The following ZYG11A variants were observed in gnomAD, a reference collection of about 807,000 sequenced individuals.
ZYG11A encodes protein zyg-11 homolog A.
ZYG11A carries 62 observed loss-of-function variants against 77.2 expected under a neutral mutation model. The ratio of observed to expected loss-of-function variants is 0.80; its 90% CI spans 0.65 to 0.99. The LOEUF is 0.99. Among genes scored for constraint, ZYG11A ranks in the 50% least tolerant of loss-of-function variants. The pLI, the probability that ZYG11A is intolerant of heterozygous loss-of-function variation, is 0.00. For missense variants in ZYG11A, 828 were observed against 896.8 expected (o/e 0.92, Z 0.98); for synonymous variants, 315 against 324.6 (o/e 0.97, Z 0.32).
intron 1 of ZYG11A, among the ~76,000 whole-genome samples, chr1:52,852,333 C>G (rs1645729036): frequency 6.6e-6 from 1 of 151,414 alleles, no homozygotes; most frequent in South Asian, 2.1e-4. Context: ...AGGAGTGAGC[C>G]TCTGCACCTG....
At chr1:52,855,150 C>T (rs1258728581) in intron 2 of ZYG11A, among the ~76,000 whole-genome samples, 4 of 151,984 alleles carry the variant, frequency 2.6e-5, no homozygotes, top group Non-Finnish European at 5.9e-5. Context: ...ACATGAGCCA[C>T]TGTGCCCGGC....
intron 5 of ZYG11A, 67 bp from the exon 6 acceptor site, chr1:52,866,436 C>T: frequency 3.3e-6 from 3 of 905,244 alleles, no homozygotes; most frequent in Middle Eastern, 2.2e-4. Flanking sequence ...CTTCCAAATA[C>T]ATGGAATCTT....
intron 8 of ZYG11A, among the ~76,000 whole-genome samples, chr1:52,871,599 C>A (rs539137704): frequency 6.6e-6 from 1 of 151,908 alleles, no homozygotes; most frequent in Non-Finnish European, 1.5e-5. Context: ...CGGGTTCAAG[C>A]GTTTCTCCTG....
At chr1:52,872,797 C>G (rs1181702938) in intron 8 of ZYG11A, among the ~76,000 whole-genome samples, 1 of 145,816 alleles carries the variant, frequency 6.9e-6, no homozygotes, top group Non-Finnish European at 1.5e-5. Flanking sequence ...GTGGGAGGAT[C>G]GCTTGAACCT....
chr1:52,843,007 T>C (rs1219721348), intron 1 of ZYG11A, 34 bp downstream of exon 1: 15 of 1,484,928 alleles, frequency 1.0e-5, no homozygotes, highest in Non-Finnish European at 1.2e-5. Flanking sequence ...GACGCGGACC[T>C]CGGCGCCACG....
intron 11 of ZYG11A, among the ~76,000 whole-genome samples, chr1:52,882,960 G>T (rs1646385173): frequency 6.9e-6 from 1 of 145,776 alleles, no homozygotes; most frequent in African/African-American, 2.8e-5. Flanking sequence ...TTTTTTTCTG[G>T]GATGTTGGCC....
chr1:52,887,785 T>C (rs2150023079), intron 13 of ZYG11A, among the ~76,000 whole-genome samples: 1 of 152,172 alleles, frequency 6.6e-6, no homozygotes, highest in Non-Finnish European at 1.5e-5. Flanking sequence ...AAAGTGGAAG[T>C]ATCCCTTAAG....
intron 8 of ZYG11A, among the ~76,000 whole-genome samples, chr1:52,875,878 G>T (rs565949960): frequency 1.6e-4 from 24 of 151,100 alleles, no homozygotes; most frequent in African/African-American, 4.6e-4. Flanking sequence ...CAAATGAGGG[G>T]AGTGACAAGA....
In ZYG11A at chr1:52,881,592, T is replaced by A. The variant is rs545793493; in HGVS notation, c.1871T>A (p.Ile624Lys). The change falls in exon 11 of 14, where the codon ATA becomes AAA. Residue 624 changes from isoleucine to lysine, a missense_variant. Ile to Lys is a moderately radical substitution (Grantham distance 102). Coordinates refer to ENST00000371528, the MANE Select transcript of ZYG11A (RefSeq NM_001004339.3). ...MEVSYFAAGI[I>K]AHLTSDRQLW... ...GTCAGCTATTTTGCTGCAGGTATCA[T>A]AGCCCACCTGACATCTGACAGACAG... 3 of 1,552,240 alleles carry A rather than the reference T, an allele frequency of 1.9e-6. No individual in the cohort carries two copies. In the African/African-American group the frequency reaches 4.1e-5, roughly 21 times the overall value.
At position 52,857,697 on chromosome 1, in the gene ZYG11A, T is replaced by C. The variant is rs1172384533; in HGVS notation, c.956T>C (p.Leu319Ser). ...LRPAMQFVGL[L>S]ATDAGSSDFF... ...CCTGCCATGCAATTTGTGGGACTAT[T>C]GGCCACGGATGCTGGCTCTTCTGAC... Residue 319 changes from leucine to serine, a missense_variant, in exon 3 of 14, where the codon TTG becomes TCG. Leu to Ser is a moderately radical substitution (Grantham distance 145). Coordinates refer to ENST00000371528, the MANE Select transcript of ZYG11A (RefSeq NM_001004339.3). The C allele has an allele frequency of 3.2e-6, 5 of 1,551,970 alleles. No individual in the cohort carries two copies. In the African/African-American group the frequency reaches 6.8e-5, roughly 21 times the overall value.
rs1369480362 is a variant in ZYG11A at position 52,867,624 on chromosome 1, A to C, written c.1477A>C (p.Ile493Leu). Residue 493 changes from isoleucine (I) to leucine (L), a missense_variant, in exon 7 of 14, where the codon ATT becomes CTT. Coordinates refer to ENST00000371528, the MANE Select transcript of ZYG11A (RefSeq NM_001004339.3). Reference sequence around the variant, plus strand: ...AACAATGGCAGTGAGTGTCACCTCTATTCTGGCTCTGCAGGTTTGTGATTT... The same window carrying C: ...AACAATGGCAGTGAGTGTCACCTCTCTTCTGGCTCTGCAGGTTTGTGATTT... ...MQTMAVSVTS[I>L]LALQLSPEQT... 2 of 1,552,188 alleles carry C rather than the reference A, an allele frequency of 1.3e-6. No homozygotes were observed. The highest frequency in any genetic ancestry group is 2.4e-5 in the East Asian group (1 of 40,908).
At chr1:52,866,296 C>G (rs1011638488) in intron 5 of ZYG11A, among the ~76,000 whole-genome samples, 1 of 152,002 alleles carries the variant, frequency 6.6e-6, no homozygotes, top group Non-Finnish European at 1.5e-5. Flanking sequence ...TTATTTCTAC[C>G]TTATTTTTAA....
At chr1:52,878,099 G>A in intron 10 of ZYG11A, 130 bp downstream of exon 10, 1 of 751,050 alleles carries the variant, frequency 1.3e-6, no homozygotes, top group South Asian at 1.7e-5. Flanking sequence ...CTTTACATTA[G>A]CCCTACAGAG....
intron 1 of ZYG11A, among the ~76,000 whole-genome samples, chr1:52,851,073 G>A (rs1412594664): frequency 6.6e-6 from 1 of 151,228 alleles, no homozygotes; most frequent in Admixed American, 6.6e-5. Flanking sequence ...GTCTCATTTT[G>A]TCATCCAGGC....
intron 13 of ZYG11A, among the ~76,000 whole-genome samples, chr1:52,890,210 A>G (rs1224698528): frequency 7.8e-6 from 1 of 127,638 alleles, no homozygotes; most frequent in Non-Finnish European, 1.7e-5. Flanking sequence ...ATAGTTACTT[A>G]CTTTATTTTA....
chr1:52,874,649 G>A (rs576006596), intron 8 of ZYG11A, among the ~76,000 whole-genome samples: 1 of 152,004 alleles, frequency 6.6e-6, no homozygotes, highest in Non-Finnish European at 1.5e-5. Flanking sequence ...GGCGGATCAT[G>A]TGAGGTTAGG....
At chr1:52,861,228 A>G (rs1328468273) in intron 4 of ZYG11A, among the ~76,000 whole-genome samples, 1 of 152,214 alleles carries the variant, frequency 6.6e-6, no homozygotes, top group Non-Finnish European at 1.5e-5. Flanking sequence ...TTATCGATAT[A>G]GCCAAACTTA....
chr1:52,856,474 AAAAAT>A (rs1165960875), intron 2 of ZYG11A, among the ~76,000 whole-genome samples: 3 of 139,670 alleles, frequency 2.1e-5, no homozygotes, highest in Non-Finnish European at 3.2e-5. Flanking sequence ...AAAAAAAAAA[AAAAAT>A]ATGTGTAGTA....
intron 5 of ZYG11A, 61 bp from the exon 6 acceptor site, chr1:52,866,442 A>G: frequency 1.0e-6 from 1 of 954,072 alleles, no homozygotes; most frequent in South Asian, 1.5e-5. Context: ...AATACATGGA[A>G]TCTTTGTTTA....
Sources: gnomAD v4.1 joint callset for allele counts (sites outside exome capture counted in the v4.1 genomes callset) on GRCh38, gnomAD v4.1.1 for gene constraint, MANE v1.5 for transcripts, NCBI Gene and HGNC (gene_info 2026-07-23, HGNC 2026-07-21) for gene names.